Variants in CYP2J2 observed in about 807,000 individuals in gnomAD.
CYP2J2 encodes the protein cytochrome P450 2J2.
A neutral mutation model predicts 48.8 loss-of-function variants in CYP2J2; 41 were observed. That is an observed-to-expected ratio of 0.84 (90% CI 0.66 to 1.09). CYP2J2 has a LOEUF of 1.09. CYP2J2 is among the 50% of genes least tolerant of loss of function. The pLI, the probability that CYP2J2 is intolerant of heterozygous loss-of-function variation, is 0.00. For missense variants in CYP2J2, 644 were observed against 617.3 expected, an observed-to-expected ratio of 1.04 and a Z score of -0.46; for synonymous variants, 221 against 227.1, an observed-to-expected ratio of 0.97 and a Z score of 0.24.
rs11572280 is a variant in CYP2J2 at position 59,907,530 on chromosome 1, C to T, written c.1003+256G>A. On this transcript the variant is annotated intron_variant, in intron 6 of 8. Coordinates refer to ENST00000371204, the MANE Select transcript of CYP2J2 (RefSeq NM_000775.4). ...CTGTTTCCTGGAACTATCTCAATGT[C>T]GACTGACTTCGTTGATTTCCCTCTT... is the stretch of plus-strand genomic sequence containing the variant. Among the ~76,000 whole-genome samples, 5 of 152,308 alleles carry T rather than the reference C, an allele frequency of 3.3e-5. No homozygotes were observed. The East Asian group carries it at 7.7e-4, about 23-fold the overall frequency.
At chr1:59,943,545 G>A in the CYP2J2 span, among the ~76,000 whole-genome samples, 1 of 152,272 alleles carries the variant, frequency 6.6e-6, no homozygotes, top group South Asian at 2.1e-4. Context: ...AGGAAAGTAT[G>A]GTCTGTAGTT....
upstream of CYP2J2, among the ~76,000 whole-genome samples, chr1:59,927,441 A>G (rs1430624766): frequency 2.0e-5 from 3 of 152,320 alleles, no homozygotes; most frequent in South Asian, 4.1e-4. Flanking sequence ...TGGGACCTCC[A>G]GGTTCCAGCC....
the CYP2J2 span, among the ~76,000 whole-genome samples, chr1:59,963,193 A>C: frequency 1.3e-5 from 2 of 152,178 alleles, no homozygotes; most frequent in South Asian, 4.1e-4. Flanking sequence ...TTATGGGAAA[A>C]TATATACATG....
the CYP2J2 span, among the ~76,000 whole-genome samples, chr1:59,939,148 C>A: frequency 6.6e-6 from 1 of 152,124 alleles, no homozygotes; most frequent in Admixed American, 6.5e-5. Flanking sequence ...AGTCTGATCT[C>A]TCTTTCTTTT....
chr1:59,909,982 A>G (rs771537305), intron 4 of CYP2J2, 22 bp from the exon 5 acceptor site: 1 of 1,574,218 alleles, frequency 6.4e-7, no homozygotes, highest in South Asian at 1.2e-5. Context: ...AAACAAAACA[A>G]TCATGCAGAT....
intron 6 of CYP2J2, among the ~76,000 whole-genome samples, chr1:59,906,520 A>T (rs539181757): frequency 2.0e-5 from 3 of 152,238 alleles, no homozygotes; most frequent in Admixed American, 2.0e-4. Flanking sequence ...GGGGTAAAAT[A>T]CCCATAACAT....
intron 5 of CYP2J2, among the ~76,000 whole-genome samples, chr1:59,909,092 G>A (rs1229906954): frequency 6.6e-6 from 1 of 152,202 alleles, no homozygotes; most frequent in African/African-American, 2.4e-5. Context: ...GGGGATGAAA[G>A]GGCTGTATTT....
At chr1:59,934,820 T>C in the CYP2J2 span, among the ~76,000 whole-genome samples, 1 of 150,784 alleles carries the variant, frequency 6.6e-6, no homozygotes, top group African/African-American at 2.4e-5. Flanking sequence ...AAAAATAGGA[T>C]TACCATATGA....
the CYP2J2 span, among the ~76,000 whole-genome samples, chr1:59,966,850 G>A: frequency 2.0e-5 from 3 of 152,070 alleles, no homozygotes; most frequent in Admixed American, 6.6e-5. Context: ...TCACTAAACC[G>A]AACACATTTG....
At chr1:59,942,528 G>A in the CYP2J2 span, among the ~76,000 whole-genome samples, 3 of 152,120 alleles carry the variant, frequency 2.0e-5, no homozygotes, top group Non-Finnish European at 4.4e-5. Flanking sequence ...GCCAGGGTCA[G>A]TTTGGTTTAT....
chr1:59,908,207 A>T (rs1346061706), intron 5 of CYP2J2, among the ~76,000 whole-genome samples: 3 of 152,192 alleles, frequency 2.0e-5, no homozygotes, highest in Non-Finnish European at 4.4e-5. Flanking sequence ...TGAAAGGAGA[A>T]TGGGATGTGA....
At chr1:59,963,047 ATTT>A in the CYP2J2 span, among the ~76,000 whole-genome samples, 1 of 152,160 alleles carries the variant, frequency 6.6e-6, no homozygotes, top group African/African-American at 2.4e-5. Flanking sequence ...TCACCAGAAC[ATTT>A]TGTTTTTAAA....
intron 7 of CYP2J2, among the ~76,000 whole-genome samples, chr1:59,903,811 C>T (rs1295408470): frequency 3.3e-5 from 5 of 152,170 alleles, no homozygotes; most frequent in Non-Finnish European, 7.3e-5. Context: ...CACAAAGAAA[C>T]AGAACAGATC....
chr1:59,944,859 TA>T, the CYP2J2 span, among the ~76,000 whole-genome samples: 2 of 152,206 alleles, frequency 1.3e-5, no homozygotes, highest in African/African-American at 4.8e-5. Context: ...CATTTGCATT[TA>T]TTTTTTTTCT....
chr1:59,933,690 T>C, the CYP2J2 span, among the ~76,000 whole-genome samples: 4 of 152,186 alleles, frequency 2.6e-5, no homozygotes, highest in South Asian at 8.3e-4. Flanking sequence ...AGACAAAAGA[T>C]TTGTGCATTG....
At chr1:59,957,357 T>G in the CYP2J2 span, among the ~76,000 whole-genome samples, 1 of 152,030 alleles carries the variant, frequency 6.6e-6, no homozygotes, top group Non-Finnish European at 1.5e-5. Flanking sequence ...GGGTGGGGCA[T>G]GAGGCTATTT....
intron 1 of CYP2J2, among the ~76,000 whole-genome samples, chr1:59,922,070 C>A (rs1488152624): frequency 2.6e-5 from 4 of 152,128 alleles, no homozygotes; most frequent in Non-Finnish European, 5.9e-5. Context: ...AGGTCGTGAC[C>A]CCCCTGGACC....
the CYP2J2 span, among the ~76,000 whole-genome samples, chr1:59,965,451 G>C: frequency 1.3e-5 from 2 of 152,218 alleles, no homozygotes; most frequent in Non-Finnish European, 2.9e-5. Context: ...TTTGGGAAAA[G>C]AAACACAGAG....
At chr1:59,903,733 G>GA (rs1644340643) in intron 7 of CYP2J2, among the ~76,000 whole-genome samples, 1 of 152,060 alleles carries the variant, frequency 6.6e-6, no homozygotes, top group South Asian at 2.1e-4. Flanking sequence ...TAGACCAATT[G>GA]AAAAAATAAT....
Sources: allele counts gnomAD v4.1 joint callset (sites outside exome capture counted in the v4.1 genomes callset), GRCh38; gene constraint gnomAD v4.1.1; transcripts MANE v1.5; gene names NCBI Gene and HGNC (gene_info 2026-07-23, HGNC 2026-07-21).